ELMO2: variants seen among roughly 807,000 people sequenced by gnomAD.
ELMO2 encodes engulfment and cell motility 2, also known as engulfment and cell motility protein 2.
A neutral mutation model predicts 96.2 loss-of-function variants in ELMO2; 37 were observed. The ratio of observed to expected loss-of-function variants is 0.38; its 90% CI spans 0.30 to 0.51. ELMO2 has a LOEUF of 0.51. ELMO2 is among the 20% of genes least tolerant of loss of function. The probability of loss-of-function intolerance (pLI) is 0.88; values close to 1 mark genes in which losing one functional copy is unlikely to be tolerated. For synonymous variants in ELMO2, 315 were observed against 329.4 expected (o/e 0.96, Z 0.47); for missense variants, 561 against 912.6 (o/e 0.61, Z 4.96).
chr20:46,399,059 G>T (rs1474561119), intron 1 of ELMO2, among the ~76,000 whole-genome samples: 1 of 152,228 alleles, frequency 6.6e-6, no homozygotes, highest in East Asian at 1.9e-4. Flanking sequence ...GCACAGAGGA[G>T]TTAAGTAGAA....
chr20:46,381,841 C>T (rs952907792), intron 10 of ELMO2, among the ~76,000 whole-genome samples: 2 of 152,174 alleles, frequency 1.3e-5, no homozygotes, highest in Non-Finnish European at 2.9e-5. Flanking sequence ...AAAAAGGGCA[C>T]GGATACCTTT....
chr20:46,378,759 G>A (rs942459640), intron 11 of ELMO2, among the ~76,000 whole-genome samples: 9 of 152,204 alleles, frequency 5.9e-5, no homozygotes, highest in Non-Finnish European at 1.2e-4. Flanking sequence ...AGTGCTTACT[G>A]AGTGCCAGAC....
chr20:46,378,934 C>T (rs2059908399), intron 11 of ELMO2, among the ~76,000 whole-genome samples: 1 of 152,168 alleles, frequency 6.6e-6, no homozygotes, highest in Non-Finnish European at 1.5e-5. Flanking sequence ...TCTAATTTTT[C>T]ATTTTATTCC....
chr20:46,392,127 A>C (rs1448993644), intron 6 of ELMO2, among the ~76,000 whole-genome samples: 1 of 152,164 alleles, frequency 6.6e-6, no homozygotes, highest in African/African-American at 2.4e-5. Flanking sequence ...TCAGTTTACT[A>C]AATCTCTCTG....
intron 21 of ELMO2, among the ~76,000 whole-genome samples, chr20:46,367,955 G>T (rs1212895732): frequency 6.6e-6 from 1 of 151,918 alleles, no homozygotes; most frequent in African/African-American, 2.4e-5. Flanking sequence ...TCAATTTTGT[G>T]CCCCGCCCCC....
chr20:46,389,413 T>C (rs985970954), intron 6 of ELMO2, among the ~76,000 whole-genome samples, 193 bp from the exon 7 acceptor site: 4 of 152,234 alleles, frequency 2.6e-5, no homozygotes, highest in Non-Finnish European at 5.9e-5. Context: ...AACCAATCTG[T>C]AGTTATCTGC....
Position 46,375,805 on chromosome 20 carries a change from G to GGCAGGGA in ELMO2, c.808-22_808-16dup. The GGCAGGGA allele has an allele frequency of 1.9e-6, 3 of 1,614,062 alleles. No homozygotes were observed. The highest frequency in any genetic ancestry group is 2.5e-6 in the Non-Finnish European group (3 of 1,179,978). On this transcript the variant is annotated splice_polypyrimidine_tract_variant and intron_variant, in intron 11 of 21. Coordinates refer to ENST00000290246, the MANE Select transcript of ELMO2 (RefSeq NM_133171.5). This position sits in a 1 kb window ranked among gnomAD's most constrained non-coding sequence, Gnocchi z 4.6. ...CGGATCACATGCTAGAAAAAGCACA[G>GGCAGGGA]GCAGGGAGCAGGGGACTGAACTGAT... is the stretch of plus-strand genomic sequence containing the variant.
chr20:46,371,700 G>GAC lies in ELMO2; in HGVS notation c.1581-11_1581-10dup. 2 of 1,613,824 alleles carry GAC rather than the reference G, an allele frequency of 1.2e-6. No individual in the cohort carries two copies. Among genetic ancestry groups the GAC allele is most frequent in the Non-Finnish European group, 1.7e-6 (2 of 1,179,960 alleles). ...TCTTCTCCCTCAGCTCCCTGGGGTG[G>GAC]ACACACACTGGAGTGAGCGGAAGGT... On this transcript the variant is annotated splice_polypyrimidine_tract_variant and intron_variant, in intron 17 of 21. Transcript: ENST00000290246. The surrounding 1 kb of genome is among the most constrained non-coding windows in gnomAD (Gnocchi z 5.9).
rs937997676 is a variant in ELMO2 at position 46,386,402 on chromosome 20, T to C, written c.526-127A>G. ...TGGGCAGCTGTTGCTAGGTGGATAG[T>C]GGTATCTGGTTTACGGCTACCCTGG... On this transcript the variant is annotated intron_variant, in intron 8 of 21. Coordinates refer to ENST00000290246, the MANE Select transcript of ELMO2 (RefSeq NM_133171.5). 5.4e-6 allele frequency: 7 copies of C among 1,307,828 alleles called. No homozygotes were observed. The African/African-American group carries it at 1.0e-4, about 19-fold the overall frequency. The allele number at this position is 1,307,828 out of a possible 1,614,324, so 81.0% of individuals were successfully genotyped here. A position where few individuals can be genotyped will look rare whatever the true frequency, so the allele number is the denominator to read the frequency against.
Position 46,386,104 on chromosome 20 carries a change from G to A in ELMO2, c.677+20C>T, listed in dbSNP as rs751423510. On this transcript the variant is annotated intron_variant, in intron 9 of 21. Coordinates refer to ENST00000290246, the MANE Select transcript of ELMO2 (RefSeq NM_133171.5). The stretch of plus-strand genomic sequence containing the variant: ...AGGACAGACAAGTGAAGGGAGGGAG[G>A]TGTAGGGTTTTTTACTCACACCTGG... 1.9e-6 allele frequency: 3 copies of A among 1,608,526 alleles called. No homozygotes were observed. The South Asian group carries it at 3.3e-5, about 18-fold the overall frequency.
rs140788388 is a variant in ELMO2, at chr20:46,399,994, G to A, written c.-125-1223C>T. ...TCTCTACAAAAAATAAAAATTAGCTGGGCATGGTGGCGTGTGCCTGTAGTC... is the reference window on the plus strand; with the variant it reads ...TCTCTACAAAAAATAAAAATTAGCTAGGCATGGTGGCGTGTGCCTGTAGTC... On this transcript the variant is annotated intron_variant, in intron 1 of 21. Coordinates refer to ENST00000290246, the MANE Select transcript of ELMO2 (RefSeq NM_133171.5). 2.6e-4 allele frequency among the ~76,000 whole-genome samples: 39 copies of A among 152,218 alleles called. 1 individual carries two copies. The East Asian group carries it at 3.9e-3, about 15-fold the overall frequency.
Position 46,389,366 on chromosome 20 carries a change from G to A in ELMO2, c.244-146C>T, listed in dbSNP as rs570937775. ...ACAGCTTAGGAGTTGCTAAATAAAT[G>A]TTTGTGGAATCAATCAGGGAGTTAT... On this transcript the variant is annotated intron_variant, in intron 6 of 21. Transcript: ENST00000290246. 5.1e-6 allele frequency: 4 copies of A among 776,972 alleles called. No individual in the cohort carries two copies. The African/African-American group carries it at 5.2e-5, about 10-fold the overall frequency. The allele number at this position is 776,972 out of a possible 1,614,324, so 48.1% of individuals were successfully genotyped here. A position where few individuals can be genotyped will look rare whatever the true frequency, so the allele number is the denominator to read the frequency against.
intron 10 of ELMO2, among the ~76,000 whole-genome samples, chr20:46,380,926 T>A (rs550591021): frequency 5.3e-5 from 8 of 152,346 alleles, no homozygotes; most frequent in African/African-American, 1.9e-4. Flanking sequence ...GCTTTATTTA[T>A]TTAGCCCACC....
At position 46,375,573 on chromosome 20, in the gene ELMO2, T is replaced by A; in HGVS notation, c.930+95A>T. 6.4e-6 allele frequency: 10 copies of A among 1,572,208 alleles called. No individual in the cohort carries two copies. Among genetic ancestry groups the A allele is most frequent in the Non-Finnish European group, 8.7e-6 (10 of 1,151,966 alleles). ...TTTTCTAGGGCAGATGCAAACTACT[T>A]CTGCAGACAAAGACCAAGCACAGTG... On this transcript the variant is annotated intron_variant, in intron 12 of 21. Coordinates refer to ENST00000290246, the MANE Select transcript of ELMO2 (RefSeq NM_133171.5). The surrounding 1 kb of genome is among the most constrained non-coding windows in gnomAD (Gnocchi z 4.6).
intron 11 of ELMO2, 80 bp downstream of exon 11, chr20:46,380,173 A>G (rs1464333611): frequency 1.1e-5 from 14 of 1,242,090 alleles, no homozygotes; most frequent in Non-Finnish European, 6.9e-6. Flanking sequence ...CTCATTAATA[A>G]TTTCAATAAT....
chr20:46,372,970 G>A (rs2059757228), intron 16 of ELMO2: 1 of 160,214 alleles, frequency 6.2e-6, no homozygotes, highest in African/African-American at 2.4e-5. Context: ...CATAGAGTGA[G>A]GACTGAAAGC....
At chr20:46,374,664 T>C (rs2059818807) in intron 13 of ELMO2, 24 bp from the exon 14 acceptor site, 14 of 1,608,748 alleles carry the variant, frequency 8.7e-6, no homozygotes, top group Non-Finnish European at 1.2e-5. Context: ...GACACCCAAT[T>C]TGAGATGCGG....
chr20:46,395,792 G>A (rs2060233530), intron 2 of ELMO2, among the ~76,000 whole-genome samples: 2 of 152,198 alleles, frequency 1.3e-5, no homozygotes, highest in South Asian at 2.1e-4. Context: ...TCCAGAACAT[G>A]ACAATGTAAA....
At chr20:46,374,181 A>T in intron 15 of ELMO2, 151 bp downstream of exon 15, 1 of 533,908 alleles carries the variant, frequency 1.9e-6, no homozygotes, top group Non-Finnish European at 3.4e-6. Flanking sequence ...GGCTCAAGTG[A>T]TCCTCCTGCC....
Sources: allele counts gnomAD v4.1 joint callset (sites outside exome capture counted in the v4.1 genomes callset), GRCh38; gene constraint gnomAD v4.1.1; non-coding constraint Gnocchi (gnomAD v3.1); transcripts MANE v1.5; gene names NCBI Gene and HGNC (gene_info 2026-07-23, HGNC 2026-07-21).